Variants in EGFR observed in about 807,000 individuals in gnomAD.
The protein encoded by EGFR is epidermal growth factor receptor.
A neutral mutation model predicts 143.0 loss-of-function variants in EGFR; 58 were observed. The observed-to-expected ratio is 0.41, with a 90% CI of 0.33 to 0.50. The LOEUF (loss-of-function observed/expected upper bound fraction) is 0.50. EGFR is among the 20% of genes least tolerant of loss of function. EGFR has a pLI of 0.39. For missense variants in EGFR, 1,307 were observed against 1,579.0 expected (o/e 0.83, Z 2.92); for synonymous variants, 613 against 594.4 (o/e 1.03, Z -0.45).
intron 1 of EGFR, among the ~76,000 whole-genome samples, chr7:55,139,064 C>T (rs1794314244): frequency 6.6e-6 from 1 of 152,168 alleles, no homozygotes; most frequent in Non-Finnish European, 1.5e-5. Flanking sequence ...AATTATAATA[C>T]CTCTTAAAGT....
intron 24 of EGFR, 40 bp downstream of exon 24, chr7:55,200,453 T>C (rs2128970118): frequency 1.3e-6 from 2 of 1,572,364 alleles, no homozygotes; most frequent in Non-Finnish European, 1.8e-6. Flanking sequence ...GAAGAGTCCC[T>C]CTAATGAGCA....
At chr7:55,153,126 G>C (rs1171068774) in intron 6 of EGFR, among the ~76,000 whole-genome samples, 1 of 152,220 alleles carries the variant, frequency 6.6e-6, no homozygotes, top group African/African-American at 2.4e-5. Flanking sequence ...CACAGGTCTT[G>C]CTGGCTGGGG....
chr7:55,064,970 C>A (rs1789413419), intron 1 of EGFR, among the ~76,000 whole-genome samples: 1 of 152,182 alleles, frequency 6.6e-6, no homozygotes, highest in African/African-American at 2.4e-5. Flanking sequence ...AAGAGGTCTG[C>A]CACTCACCAT....
At chr7:55,177,809 C>T (rs1562787626) in intron 19 of EGFR, among the ~76,000 whole-genome samples, 4 of 152,224 alleles carry the variant, frequency 2.6e-5, no homozygotes, top group Admixed American at 2.6e-4. Flanking sequence ...TGCTGGGGCT[C>T]CACGAAGATT....
At position 55,173,039 on chromosome 7, in the gene EGFR, T is replaced by C. The variant is rs755356995; in HGVS notation, c.1976T>C (p.Val659Ala). The C allele has an allele frequency of 6.2e-7, 1 of 1,614,024 alleles. No homozygotes were observed. The highest frequency in any genetic ancestry group is 8.5e-7 in the Non-Finnish European group (1 of 1,180,016). The change falls in exon 17 of 28, where the codon GTG (valine) becomes GCG (alanine). Residue 659 changes from valine (V) to alanine (A), a missense_variant. Coordinates refer to ENST00000275493, the MANE Select transcript of EGFR (RefSeq NM_005228.5). ...GTGGGGGCCCTCCTCTTGCTGCTGG[T>C]GGTGGCCCTGGGGATCGGCCTCTTC... ...GMVGALLLLL[V>A]VALGIGLFMR...
intron 1 of EGFR, among the ~76,000 whole-genome samples, chr7:55,020,390 G>A (rs1257926603): frequency 6.6e-6 from 1 of 152,220 alleles, no homozygotes; most frequent in Non-Finnish European, 1.5e-5. Context: ...GGGGGATCGC[G>A]GGACTCTTGA....
At chr7:55,043,492 G>C (rs1225514322) in intron 1 of EGFR, among the ~76,000 whole-genome samples, 2 of 152,150 alleles carry the variant, frequency 1.3e-5, no homozygotes, top group African/African-American at 4.8e-5. Context: ...CCAAGTAGTA[G>C]CTGGGATTAC....
At chr7:55,174,111 A>T in intron 18 of EGFR, 68 bp downstream of exon 18, 2 of 1,602,484 alleles carry the variant, frequency 1.2e-6, no homozygotes, top group Non-Finnish European at 1.7e-6. Flanking sequence ...GGGAGCCCAG[A>T]GTCCTTGCAA....
At chr7:55,168,835 A>AT (rs376243209) in intron 15 of EGFR, among the ~76,000 whole-genome samples, 25 of 152,124 alleles carry the variant, frequency 1.6e-4, no homozygotes, top group Non-Finnish European at 3.1e-4. Context: ...GAGAGGGAAA[A>AT]TTTTTTTAAT....
chr7:55,135,980 C>G (rs1238296615), intron 1 of EGFR, among the ~76,000 whole-genome samples: 1 of 151,994 alleles, frequency 6.6e-6, no homozygotes, highest in Non-Finnish European at 1.5e-5. Flanking sequence ...AACACAAAAA[C>G]TATGAAGAGT....
At chr7:55,090,424 C>G (rs867392987) in intron 1 of EGFR, among the ~76,000 whole-genome samples, 1 of 152,184 alleles carries the variant, frequency 6.6e-6, no homozygotes, top group Admixed American at 6.5e-5. Context: ...CTTCCCAGAC[C>G]CTGGGTCTTT....
rs17290692 is a variant in EGFR at position 55,201,060 on chromosome 7, G to A, written c.2947-128G>A. 1.5e-3 allele frequency: 1,787 copies of A among 1,158,152 alleles called. 28 individuals are homozygous for A. The African/African-American group carries it at 0.024, about 15-fold the overall frequency. The allele number at this position is 1,158,152 out of a possible 1,614,324, so 71.7% of individuals were successfully genotyped here. On this transcript the variant is annotated intron_variant, in intron 24 of 27. Transcript: ENST00000275493. Reference sequence around the variant, plus strand: ...GCAGCTATAATTTAGAGAACCAAGGGGGATTTCATTATAACAAAATTGGCA... The same window carrying A: ...GCAGCTATAATTTAGAGAACCAAGGAGGATTTCATTATAACAAAATTGGCA...
intron 1 of EGFR, among the ~76,000 whole-genome samples, chr7:55,035,686 GA>G (rs35456043): frequency 0.19 from 22,886 of 117,820 alleles, 1,917 homozygotes; most frequent in African/African-American, 0.27. Context: ...CTCTGTCTCG[GA>G]AAAAAAAAAA....
intron 1 of EGFR, among the ~76,000 whole-genome samples, chr7:55,076,724 T>A (rs1790150509): frequency 6.6e-6 from 1 of 152,198 alleles, no homozygotes; most frequent in Non-Finnish European, 1.5e-5. Flanking sequence ...CCTTTGAACT[T>A]CATTAGTAGA....
At chr7:55,174,665 G>T (rs2128954439) in intron 18 of EGFR, 57 bp from the exon 19 acceptor site, 2 of 1,402,046 alleles carry the variant, frequency 1.4e-6, no homozygotes, top group South Asian at 2.3e-5. Context: ...TCACTGGGCA[G>T]CATGTGGCAC....
chr7:55,154,563 C>G (rs1241352361), intron 7 of EGFR, among the ~76,000 whole-genome samples: 1 of 152,274 alleles, frequency 6.6e-6, no homozygotes, highest in Admixed American at 6.5e-5. Flanking sequence ...ATCAGAGAGT[C>G]TATCAGAAGA....
chr7:55,131,320 G>A (rs561881231), intron 1 of EGFR, among the ~76,000 whole-genome samples: 5 of 149,876 alleles, frequency 3.3e-5, no homozygotes, highest in Non-Finnish European at 5.9e-5. Context: ...AACACTTTAT[G>A]ACATGAACAT....
At chr7:55,070,794 C>T (rs1278166343) in intron 1 of EGFR, among the ~76,000 whole-genome samples, 1 of 152,186 alleles carries the variant, frequency 6.6e-6, no homozygotes, top group Non-Finnish European at 1.5e-5. Context: ...TATTTCTATC[C>T]GTAGACAGAA....
chr7:55,121,739 G>A (rs540634257), intron 1 of EGFR, among the ~76,000 whole-genome samples: 21 of 152,204 alleles, frequency 1.4e-4, no homozygotes, highest in Non-Finnish European at 2.6e-4. Flanking sequence ...CCACTAAATC[G>A]AAGTTAATAT....
Sources: allele counts gnomAD v4.1 joint callset (sites outside exome capture counted in the v4.1 genomes callset), GRCh38; gene constraint gnomAD v4.1.1; transcripts MANE v1.5; gene names NCBI Gene and HGNC (gene_info 2026-07-23, HGNC 2026-07-21).